The following CR1L variants were observed in gnomAD, a reference collection of about 807,000 sequenced individuals.
The protein encoded by CR1L is complement C3b/C4b receptor 1 like.
In CR1L, 59 loss-of-function variants were observed where a neutral mutation model predicts 62.3. The observed-to-expected ratio is 0.95, with a 90% CI of 0.77 to 1.18. The LOEUF (loss-of-function observed/expected upper bound fraction) is 1.18, where lower values mean the gene tolerates loss of function less well. Among genes scored for constraint, CR1L ranks in the 50% most tolerant of loss-of-function variants. The probability of loss-of-function intolerance (pLI) is 0.00; values close to 1 mark genes in which losing one functional copy is unlikely to be tolerated. For synonymous variants in CR1L, 279 were observed against 248.7 expected (o/e 1.12, Z -1.15); for missense variants, 700 against 702.8 (o/e 1.00, Z 0.04).
At chr1:207,674,511 G>A (rs1443216142) in intron 1 of CR1L, among the ~76,000 whole-genome samples, 1 of 152,110 alleles carries the variant, frequency 6.6e-6, no homozygotes. Context: ...AGGCTCATAT[G>A]TTCCTTTTTT....
At chr1:207,678,579 C>A (rs1663743319) in intron 3 of CR1L, among the ~76,000 whole-genome samples, 1 of 152,172 alleles carries the variant, frequency 6.6e-6, no homozygotes. Context: ...ATAGTCAAAG[C>A]ACACAATCAG....
chr1:207,652,605 C>G, intron 1 of CR1L: 1 of 1,527,230 alleles, frequency 6.5e-7, no homozygotes, highest in Non-Finnish European at 9.1e-7. Flanking sequence ...AACCAAAACC[C>G]TACTATGAGA....
chr1:207,655,944 CA>C lies in CR1L; in HGVS notation c.97+10615del, dbSNP rs112435078. ...ACAATATGTAGACTTTGGAAAATAT[CA>C]CTATACACTTCTGCCCGGCGCAGTG... On this transcript the variant is annotated intron_variant, in intron 1 of 11. Coordinates refer to ENST00000508064, the MANE Select transcript of CR1L (RefSeq NM_175710.2). 7.2e-3 allele frequency among the ~76,000 whole-genome samples: 1,090 copies of C among 152,212 alleles called. 16 individuals are homozygous for C. The highest frequency in any genetic ancestry group is 0.024 in the African/African-American group (1,010 of 41,532).
intron 1 of CR1L, among the ~76,000 whole-genome samples, chr1:207,655,933 T>C (rs1345275503): frequency 2.0e-5 from 3 of 152,056 alleles, no homozygotes; most frequent in African/African-American, 7.3e-5. Flanking sequence ...TATGTAGACT[T>C]TGGAAAATAT....
intron 4 of CR1L, among the ~76,000 whole-genome samples, chr1:207,684,259 T>C (rs1002487363): frequency 6.6e-6 from 1 of 152,166 alleles, no homozygotes; most frequent in African/African-American, 2.4e-5. Flanking sequence ...ATAATCATCC[T>C]GCTTGGCAAA....
At chr1:207,680,464 A>T (rs1663777828) in intron 3 of CR1L, among the ~76,000 whole-genome samples, 1 of 152,126 alleles carries the variant, frequency 6.6e-6, no homozygotes, top group Admixed American at 6.6e-5. Context: ...ATTAGGGGAA[A>T]ATTGAGTAAA....
At position 207,677,404 on chromosome 1, in the gene CR1L, C is replaced by T. The variant is rs751894755; in HGVS notation, c.113C>T (p.Pro38Leu). 113 of 1,611,232 alleles carry T rather than the reference C, an allele frequency of 7.0e-5. No individual in the cohort carries two copies. Among genetic ancestry groups the T allele is most frequent in the African/African-American group, 2.4e-4 (18 of 74,620 alleles). ...LSSFSDQCNV[P>L]EWLPFARPTN... ...TGATCCCCAGATCAATGCAATGTCC[C>T]GGAATGGCTTCCATTTGCCAGGCCT... Residue 38 changes from proline to leucine, a missense_variant, in exon 2 of 12, where the codon CCG becomes CTG. Pro to Leu is a moderately conservative substitution (Grantham distance 98). Coordinates refer to ENST00000508064, the MANE Select transcript of CR1L (RefSeq NM_175710.2).
At chr1:207,663,602 A>T (rs1663461417) in intron 1 of CR1L, among the ~76,000 whole-genome samples, 1 of 152,320 alleles carries the variant, frequency 6.6e-6, no homozygotes, top group African/African-American at 2.4e-5. Context: ...AGGTGAGGCG[A>T]TGCCTCGCCC....
intron 1 of CR1L, among the ~76,000 whole-genome samples, chr1:207,671,899 C>T (rs1220409316): frequency 1.3e-5 from 2 of 149,986 alleles, no homozygotes; most frequent in East Asian, 1.9e-4. Flanking sequence ...CCAGCCTGGG[C>T]GAAAGAGTGA....
intron 5 of CR1L, among the ~76,000 whole-genome samples, chr1:207,695,627 C>G (rs58817628): frequency 0.3 from 45,407 of 152,062 alleles, 7,367 homozygotes; most frequent in East Asian, 0.41. Context: ...GTATTAGACT[C>G]TTCTCACATT....
At chr1:207,712,067 G>A (rs1328618323) in intron 10 of CR1L, among the ~76,000 whole-genome samples, 4 of 152,238 alleles carry the variant, frequency 2.6e-5, no homozygotes, top group African/African-American at 7.2e-5. Context: ...CTTTCTAAAA[G>A]ATCGCTGTCT....
intron 4 of CR1L, among the ~76,000 whole-genome samples, chr1:207,689,135 T>C (rs183942747): frequency 3.3e-5 from 5 of 152,276 alleles, no homozygotes; most frequent in Admixed American, 3.3e-4. Flanking sequence ...ATATCCTTTA[T>C]TAGATTAAGG....
intron 5 of CR1L, among the ~76,000 whole-genome samples, chr1:207,696,431 T>C (rs926949295): frequency 2.0e-5 from 3 of 152,206 alleles, no homozygotes; most frequent in Non-Finnish European, 2.9e-5. Context: ...CAAATGATTA[T>C]AGTTTTAAGG....
chr1:207,706,035 ATATATATAT>A (rs1664261855), intron 9 of CR1L, among the ~76,000 whole-genome samples: 1 of 147,910 alleles, frequency 6.8e-6, no homozygotes, highest in African/African-American at 2.5e-5. Context: ...ATATATATAT[ATATATATAT>A]AAAACACTGA....
intron 1 of CR1L, among the ~76,000 whole-genome samples, chr1:207,663,577 C>A (rs1341925332): frequency 6.6e-6 from 1 of 152,228 alleles, no homozygotes; most frequent in Non-Finnish European, 1.5e-5. Context: ...AATTCCCTGA[C>A]CCCTTGTGAT....
At position 207,668,556 on chromosome 1, in the gene CR1L, G is replaced by A. The variant is rs11810866; in HGVS notation, c.98-8833G>A. ...GAGATGGAGAGAGATTGGTTAAAGG[G>A]CACAGGGTCACAGATACATAAGAAT... On this transcript the variant is annotated intron_variant, in intron 1 of 11. Coordinates refer to ENST00000508064, the MANE Select transcript of CR1L (RefSeq NM_175710.2). Among the ~76,000 whole-genome samples, 785 of 150,928 alleles carry A rather than the reference G, an allele frequency of 5.2e-3. 56 individuals are homozygous for A. The highest frequency in any genetic ancestry group is 0.018 in the African/African-American group (711 of 40,300).
At chr1:207,709,666 A>G (rs1206333969) in intron 10 of CR1L, among the ~76,000 whole-genome samples, 1 of 151,942 alleles carries the variant, frequency 6.6e-6, no homozygotes, top group Non-Finnish European at 1.5e-5. Context: ...GTGCTACCCC[A>G]TCTCTACTAG....
At chr1:207,688,734 T>A (rs1261187561) in intron 4 of CR1L, among the ~76,000 whole-genome samples, 1 of 152,168 alleles carries the variant, frequency 6.6e-6, no homozygotes, top group Non-Finnish European at 1.5e-5. Flanking sequence ...ATTTTTGAAG[T>A]CTTCTTTAAT....
intron 9 of CR1L, among the ~76,000 whole-genome samples, chr1:207,707,723 G>A (rs1381227301): frequency 6.6e-6 from 1 of 150,806 alleles, no homozygotes; most frequent in African/African-American, 2.4e-5. Flanking sequence ...CTACTAGACA[G>A]GATCAAAAGC....
Sources: gnomAD v4.1 joint callset for allele counts (sites outside exome capture counted in the v4.1 genomes callset) on GRCh38, gnomAD v4.1.1 for gene constraint, MANE v1.5 for transcripts, NCBI Gene and HGNC (gene_info 2026-07-23, HGNC 2026-07-21) for gene names.